Variants in PRR5 observed in about 807,000 individuals in gnomAD.
The protein encoded by PRR5 is proline-rich protein 5.
Under a neutral mutation model 30.6 loss-of-function variants are expected in PRR5, and 25 were observed. That is an observed-to-expected ratio of 0.82 (90% CI 0.60 to 1.14). The LOEUF is 1.14. PRR5 is among the 50% of genes most tolerant of loss of function. The pLI is 0.00. For missense variants in PRR5, 600 were observed against 547.1 expected (o/e 1.10, Z -0.96); for synonymous variants, 286 against 247.1 (o/e 1.16, Z -1.48).
chr22:44,716,956 G>A (rs1929143805), intron 2 of PRR5, among the ~76,000 whole-genome samples: 1 of 151,984 alleles, frequency 6.6e-6, no homozygotes, highest in African/African-American at 2.4e-5. Context: ...CAGCTACTCA[G>A]GAGGCTGAGG....
In PRR5 at chr22:44,679,749, G is replaced by A. The variant is rs951646462; in HGVS notation, c.-11+2509G>A. On this transcript the variant is annotated intron_variant, in intron 1 of 8. Coordinates refer to the PRR5 transcript ENST00000006251. ...AATAATAGTAAGACTCAGCCTCCCC[G>A]CTCTGGGACACTCAGTCTGATGGGG... 7.5e-6 allele frequency: 11 copies of A among 1,468,760 alleles called. No individual in the cohort carries two copies. The Admixed American group carries it at 8.3e-5, about 11-fold the overall frequency. 91.0% of individuals were successfully genotyped at this position (1,468,760 alleles called of 1,614,324 possible).
rs771755010 is a variant in PRR5 at position 44,737,281 on chromosome 22, C to T, written c.*34C>T. ...AGCTGGCCTTGAGTTTTTACTGACA[C>T]GTCCCTGTGTGCGGGGGTGTCCATG... is the stretch of plus-strand genomic sequence containing the variant. On this transcript the variant is annotated 3_prime_UTR_variant, in exon 8 of 8. Coordinates refer to ENST00000336985, the MANE Select transcript of PRR5 (RefSeq NM_181333.4). 7.0e-6 allele frequency: 11 copies of T among 1,568,760 alleles called. No homozygotes were observed. Among genetic ancestry groups the T allele is most frequent in the South Asian group, 3.5e-5 (3 of 85,062 alleles).
rs773110469 is a variant in PRR5, at chr22:44,714,623, G to T, written c.167G>T (p.Arg56Leu). The T allele has an allele frequency of 1.2e-6, 2 of 1,613,602 alleles. No individual in the cohort carries two copies. The highest frequency in any genetic ancestry group is 1.1e-5 in the South Asian group (1 of 91,086). ...AACGGGGTGATCGCCGTCTTCCAGC[G>T]CAAGGGGCTGCCCGACCAGGAGCTC... ...IHNGVIAVFQ[R>L]KGLPDQELFS... is the part of the protein sequence containing the mutation. Residue 56 changes from arginine to leucine, a missense_variant, in exon 2 of 8, where the codon CGC (arginine) becomes CTC (leucine). Coordinates refer to ENST00000336985, the MANE Select transcript of PRR5 (RefSeq NM_181333.4).
At chr22:44,702,176 C>A, upstream of PRR5, 1 of 887,870 alleles carries the variant, frequency 1.1e-6, no homozygotes. Flanking sequence ...CGAGACCCGC[C>A]CCTGGGCCCG....
chr22:44,694,335 C>T (rs942218528), intron 1 of PRR5, among the ~76,000 whole-genome samples: 1 of 152,132 alleles, frequency 6.6e-6, no homozygotes, highest in African/African-American at 2.4e-5. Flanking sequence ...GTCAGAAGTT[C>T]GAGACCAGCC....
chr22:44,697,208 G>T (rs376094543), upstream of PRR5, among the ~76,000 whole-genome samples: 6 of 152,166 alleles, frequency 3.9e-5, no homozygotes, highest in Non-Finnish European at 4.4e-5. Context: ...CACCAGGTCC[G>T]GTGGCCTGGT....
At chr22:44,697,428 A>G (rs2146986334), upstream of PRR5, among the ~76,000 whole-genome samples, 2 of 152,328 alleles carry the variant, frequency 1.3e-5, no homozygotes. Flanking sequence ...GACGGCCCGG[A>G]TGGCAGAGAC....
At chr22:44,698,707 AG>A (rs796734196), upstream of PRR5, among the ~76,000 whole-genome samples, 16 of 152,332 alleles carry the variant, frequency 1.1e-4, no homozygotes, top group African/African-American at 3.8e-4. Context: ...CTGATGCTTC[AG>A]GGCGGCCAGA....
chr22:44,730,358 A>G, intron 4 of PRR5: 1 of 984,924 alleles, frequency 1.0e-6, no homozygotes, highest in Non-Finnish European at 1.2e-6. Flanking sequence ...AGGGGACAGC[A>G]GAGGCCTTGG....
chr22:44,718,475 C>T (rs912837109), intron 2 of PRR5, among the ~76,000 whole-genome samples: 17 of 152,054 alleles, frequency 1.1e-4, no homozygotes, highest in African/African-American at 3.9e-4. Context: ...GGTTACAGGC[C>T]TGAGCCACCG....
chr22:44,717,811 G>A (rs950234835), intron 2 of PRR5, among the ~76,000 whole-genome samples: 6 of 151,418 alleles, frequency 4.0e-5, no homozygotes, highest in African/African-American at 1.5e-4. Flanking sequence ...CCACCTCCCA[G>A]GTTCAAGGAT....
At chr22:44,698,831 C>T (rs1926000076), upstream of PRR5, among the ~76,000 whole-genome samples, 2 of 152,248 alleles carry the variant, frequency 1.3e-5, no homozygotes, top group South Asian at 4.1e-4. Context: ...CACTTAGGGG[C>T]TAGACTCCGC....
At position 44,737,108 on chromosome 22, in the gene PRR5, C is replaced by G. The variant is rs1339138408; in HGVS notation, c.1028C>G (p.Ser343Cys). The change falls in exon 8 of 8, where the codon TCC becomes TGC. Residue 343 changes from serine to cysteine, a missense_variant. Physicochemically the swap from Ser to Cys is moderately radical, Grantham distance 112. Transcript: ENST00000336985. Reference sequence around the variant, plus strand: ...CCCACCCGCAGCTCCCTGCCCCGCTCCAGCCCGGAGAACCTGGTGGACCAG... The same window carrying G: ...CCCACCCGCAGCTCCCTGCCCCGCTGCAGCCCGGAGAACCTGGTGGACCAG... ...LDPTRSSLPRSSPENLVDQIL... is the reference protein window; with the variant it reads ...LDPTRSSLPRCSPENLVDQIL... 3 of 1,612,260 alleles carry G rather than the reference C, an allele frequency of 1.9e-6. No individual in the cohort carries two copies. Among genetic ancestry groups the G allele is most frequent in the Admixed American group, 1.7e-5 (1 of 60,016 alleles).
At position 44,670,369 on chromosome 22, in the gene PRR5, C is replaced by T. The variant is rs559138234; in HGVS notation, c.-11+1564C>T. ...GGGATTGCTGTGAAGTCCGGCAGGC[C>T]TGAGTCAGGATCCCAGCTCCAGCAC... On this transcript the variant is annotated intron_variant, in intron 1 of 8. Coordinates refer to the PRR5 transcript ENST00000432186. Among the ~76,000 whole-genome samples the T allele has an allele frequency of 1.5e-3, 232 of 152,342 alleles. 1 individual carries two copies. The highest frequency in any genetic ancestry group is 5.2e-3 in the African/African-American group (216 of 41,584).
In PRR5 at chr22:44,726,623, G is replaced by A. The variant is rs886924563; in HGVS notation, c.311G>A (p.Arg104His). 20 of 1,614,094 alleles carry A rather than the reference G, an allele frequency of 1.2e-5. No individual in the cohort carries two copies. Among genetic ancestry groups the A allele is most frequent in the Middle Eastern group, 3.3e-4 (2 of 6,062 alleles). The stretch of plus-strand genomic sequence containing the variant: ...ATGGTGATCCTTCGGGACAAGATTC[G>A]CTTCTATGAGGGTGAGTGTGGGCCC... ...KGMVILRDKI[R>H]FYEGQKLLDS... The change falls in exon 4 of 8, where the codon CGC becomes CAC. Residue 104 changes from arginine (R) to histidine (H), a missense_variant. Arg to His is a conservative substitution (Grantham distance 29). Transcript: ENST00000336985.
intron 1 of PRR5, among the ~76,000 whole-genome samples, chr22:44,693,089 G>C (rs1431043727): frequency 1.3e-5 from 2 of 152,150 alleles, no homozygotes; most frequent in African/African-American, 4.8e-5. Flanking sequence ...CAGGGAGTGG[G>C]CTCTGTTTGG....
At chr22:44,702,192 G>GGGTCCGCCCCCA (rs1389032359), upstream of PRR5, 31 of 1,013,172 alleles carry the variant, frequency 3.1e-5, no homozygotes, top group East Asian at 2.0e-3. Context: ...GCCCGCCCCC[G>GGGTCCGCCCCCA]GGTCCGCCCC....
chr22:44,686,539 T>C (rs1254872464), intron 1 of PRR5, among the ~76,000 whole-genome samples: 2 of 147,002 alleles, frequency 1.4e-5, no homozygotes, highest in African/African-American at 2.5e-5. Flanking sequence ...TGAGATGGAG[T>C]CTCGCTCTGT....
intron 1 of PRR5, among the ~76,000 whole-genome samples, chr22:44,695,925 T>TTTTTA: frequency 7.6e-6 from 1 of 131,308 alleles, no homozygotes; most frequent in African/African-American, 2.9e-5. Context: ...TCTGACAACT[T>TTTTTA]TTTTTTTTTT....
Sources: allele counts gnomAD v4.1 joint callset (sites outside exome capture counted in the v4.1 genomes callset), GRCh38; gene constraint gnomAD v4.1.1; transcripts MANE v1.5; gene names NCBI Gene and HGNC (gene_info 2026-07-23, HGNC 2026-07-21).